C4orf17: variants seen among roughly 807,000 people sequenced by gnomAD.
The protein encoded by C4orf17 is uncharacterized protein C4orf17.
C4orf17 carries 25 observed loss-of-function variants against 32.0 expected under a neutral mutation model. That is an observed-to-expected ratio of 0.78 (90% CI 0.57 to 1.09). C4orf17 has a LOEUF of 1.09. Among genes scored for constraint, C4orf17 ranks in the 50% least tolerant of loss-of-function variants. C4orf17 has a pLI of 0.00. For missense variants in C4orf17, 420 were observed against 420.0 expected (o/e 1.00, Z 0.00); for synonymous variants, 149 against 145.8 (o/e 1.02, Z -0.16).
rs752464374 is a variant in C4orf17 at position 99,541,924 on chromosome 4, C to T, written c.895C>T (p.Pro299Ser). Residue 299 changes from proline (P) to serine (S), a missense_variant, in exon 9 of 9, where the codon CCT (proline) becomes TCT (serine). Pro to Ser is a moderately conservative substitution (Grantham distance 74, BLOSUM62 -1). Transcript: ENST00000326581. ...CTCTATTTCAGAGGCTGAGCACAAG[C>T]CTCCACTACTTATAAGAAGAAATAA... ...KEVPKEAEHK[P>S]PLLIRRNNMK... The T allele has an allele frequency of 1.2e-6, 2 of 1,612,670 alleles. No individual in the cohort carries two copies. The highest frequency in any genetic ancestry group is 2.2e-5 in the East Asian group (1 of 44,842).
rs1240943966 is a variant in C4orf17 at position 99,511,049 on chromosome 4, C to T, written c.-317C>T. ...ATATCTTAACAACCAGGGAGCCACA[C>T]AGGCTCCTTGGAGTAAGAGTGTGAG... On this transcript the variant is annotated 5_prime_UTR_variant, in exon 1 of 9. Coordinates refer to ENST00000326581, the MANE Select transcript of C4orf17 (RefSeq NM_032149.3). The T allele has an allele frequency of 6.6e-6, 1 of 152,160 alleles. No homozygotes were observed. Among genetic ancestry groups the T allele is most frequent in the Non-Finnish European group, 1.5e-5 (1 of 68,018 alleles). The allele number at this position is 152,160 out of a possible 1,614,324, so 9.4% of individuals were successfully genotyped here.
In C4orf17 at chr4:99,519,863, C is replaced by T. The variant is rs1050045928; in HGVS notation, c.128-2637C>T. ...GTAGAGAGAGGAAAGTCCAGCTAAG[C>T]AGCACAGAGAGAACCAGCAGAGGGA... On this transcript the variant is annotated intron_variant, in intron 2 of 8. Coordinates refer to ENST00000326581, the MANE Select transcript of C4orf17 (RefSeq NM_032149.3). 1.5e-4 allele frequency among the ~76,000 whole-genome samples: 23 copies of T among 152,156 alleles called. 1 individual carries two copies. Among genetic ancestry groups the T allele is most frequent in the Admixed American group, 1.1e-3 (17 of 15,278 alleles).
chr4:99,513,164 T>C lies in C4orf17; in HGVS notation c.83T>C (p.Leu28Pro), dbSNP rs150052319. 1 of 1,613,816 alleles carries C rather than the reference T, an allele frequency of 6.2e-7. No homozygotes were observed. The highest frequency in any genetic ancestry group is 1.3e-5 in the African/African-American group (1 of 74,904). ...HIMARNVSCF[L>P]VRHTPHPRRV... is the part of the protein sequence containing the mutation. Reference sequence around the variant, plus strand: ...ATGGCTAGAAATGTAAGCTGCTTTCTAGTCAGGCACACCCCTCATCCCAGA... The same window carrying C: ...ATGGCTAGAAATGTAAGCTGCTTTCCAGTCAGGCACACCCCTCATCCCAGA... Residue 28 changes from leucine (L) to proline (P), a missense_variant, in exon 2 of 9, where the codon CTA becomes CCA. Leu to Pro is a moderately conservative substitution (Grantham distance 98). Coordinates refer to ENST00000326581, the MANE Select transcript of C4orf17 (RefSeq NM_032149.3).
At position 99,517,899 on chromosome 4, in the gene C4orf17, T is replaced by C. The variant is rs547813120; in HGVS notation, c.128-4601T>C. 6.0e-3 allele frequency among the ~76,000 whole-genome samples: 907 copies of C among 152,324 alleles called. 4 individuals carry two copies. The highest frequency in any genetic ancestry group is 0.02 in the Middle Eastern group (6 of 294). ...CTCATGGGCACCTTGAACTGTGCTC[T>C]TCAAAACTGAACTCTTGATCTTCCT... On this transcript the variant is annotated intron_variant, in intron 2 of 8. Coordinates refer to ENST00000326581, the MANE Select transcript of C4orf17 (RefSeq NM_032149.3).
chr4:99,530,090 C>A, intron 5 of C4orf17, 132 bp downstream of exon 5: 1 of 688,584 alleles, frequency 1.5e-6, no homozygotes, highest in Non-Finnish European at 2.3e-6. Flanking sequence ...ACTGCTTAGC[C>A]TGAAATCCAA....
intron 3 of C4orf17, 143 bp downstream of exon 3, chr4:99,522,852 T>A: frequency 1.6e-6 from 1 of 641,470 alleles, no homozygotes; most frequent in Non-Finnish European, 2.6e-6. Context: ...TGTTATATAA[T>A]TTTTTTTCAC....
intron 3 of C4orf17, among the ~76,000 whole-genome samples, chr4:99,523,018 A>T (rs1173022177): frequency 6.6e-6 from 1 of 152,172 alleles, no homozygotes; most frequent in Non-Finnish European, 1.5e-5. Context: ...ACTGATGGGG[A>T]AATGATGTCA....
chr4:99,529,983 A>G (rs1003622149), intron 5 of C4orf17, 25 bp downstream of exon 5: 30 of 1,590,742 alleles, frequency 1.9e-5, no homozygotes, highest in Non-Finnish European at 2.4e-5. Context: ...TATCAAATCC[A>G]TAACTTGGAA....
chr4:99,539,697 A>G (rs1723620685), intron 7 of C4orf17, among the ~76,000 whole-genome samples: 1 of 152,198 alleles, frequency 6.6e-6, no homozygotes, highest in African/African-American at 2.4e-5. Flanking sequence ...TAGTTTAACT[A>G]AAAATAGATG....
chr4:99,522,568 G>A lies in C4orf17; in HGVS notation c.196G>A (p.Gly66Ser). The A allele has an allele frequency of 1.2e-6, 2 of 1,613,914 alleles. No individual in the cohort carries two copies. The highest frequency in any genetic ancestry group is 8.5e-7 in the Non-Finnish European group (1 of 1,179,910). Reference sequence around the variant, plus strand: ...TGCATTTGGAACATTGTGGGGAGTTGGCCAGTCTAACTACTTAGAGAAGAA... The same window carrying A: ...TGCATTTGGAACATTGTGGGGAGTTAGCCAGTCTAACTACTTAGAGAAGAA... The part of the protein sequence containing the change: ...ENAFGTLWGV[G>S]QSNYLEKNRI... Residue 66 changes from glycine (G) to serine (S), a missense_variant, in exon 3 of 9, where the codon GGC becomes AGC. Physicochemically the swap from Gly to Ser is moderately conservative, Grantham distance 56. Coordinates refer to ENST00000326581, the MANE Select transcript of C4orf17 (RefSeq NM_032149.3).
At chr4:99,533,567 A>G (rs1304321931) in intron 5 of C4orf17, among the ~76,000 whole-genome samples, 1 of 152,194 alleles carries the variant, frequency 6.6e-6, no homozygotes, top group East Asian at 1.9e-4. Context: ...AGAGTTTAGC[A>G]TTTGAGGATG....
At chr4:99,530,022 C>T (rs1723452772) in intron 5 of C4orf17, 64 bp downstream of exon 5, 1 of 1,278,012 alleles carries the variant, frequency 7.8e-7, no homozygotes. Flanking sequence ...AAAATTTATA[C>T]CACTAGCATC....
chr4:99,522,813 AGTTTCCTCACTGT>A, intron 3 of C4orf17, 104 bp downstream of exon 3: 1 of 853,810 alleles, frequency 1.2e-6, no homozygotes, highest in African/African-American at 1.7e-5. Flanking sequence ...TTTTACATCA[AGTTTCCTCACTGT>A]GAGGAACATA....
intron 2 of C4orf17, among the ~76,000 whole-genome samples, chr4:99,516,039 A>G (rs1285250054): frequency 6.6e-6 from 1 of 152,220 alleles, no homozygotes; most frequent in African/African-American, 2.4e-5. Flanking sequence ...AGAGGAACAA[A>G]TCACATATCC....
At chr4:99,541,031 G>GTTTCTAGCTTTAAAACA (rs1455796967) in intron 8 of C4orf17, 2 of 152,308 alleles carry the variant, frequency 1.3e-5, no homozygotes, top group African/African-American at 2.4e-5. Context: ...AGGTTTGGCA[G>GTTTCTAGCTTTAAAACA]TTTCTAGCTT....
At position 99,516,723 on chromosome 4, in the gene C4orf17, G is replaced by A. The variant is rs534294913; in HGVS notation, c.127+3515G>A. Among the ~76,000 whole-genome samples, 4 of 152,284 alleles carry A rather than the reference G, an allele frequency of 2.6e-5. No individual in the cohort carries two copies. The South Asian group carries it at 8.3e-4, about 32-fold the overall frequency. On this transcript the variant is annotated intron_variant, in intron 2 of 8. Coordinates refer to ENST00000326581, the MANE Select transcript of C4orf17 (RefSeq NM_032149.3). ...TGTGGGGAGGAGGGAAGGGATAATG[G>A]GAAGTCGGGGTGGAGAAGTGGATAA...
Position 99,541,937 on chromosome 4 carries a change from T to G in C4orf17, c.908T>G (p.Ile303Arg). Residue 303 changes from isoleucine (I) to arginine (R), a missense_variant, in exon 9 of 9, where the codon ATA becomes AGA. Physicochemically the swap from Ile to Arg is moderately conservative, Grantham distance 97. Transcript: ENST00000326581. ...GCTGAGCACAAGCCTCCACTACTTA[T>G]AAGAAGAAATAATATGAAAATACCT... Reference protein sequence around the residue: ...KEAEHKPPLLIRRNNMKIPVA... With the variant: ...KEAEHKPPLLRRRNNMKIPVA... 12 of 1,613,724 alleles carry G rather than the reference T, an allele frequency of 7.4e-6. No individual in the cohort carries two copies. Among genetic ancestry groups the G allele is most frequent in the Non-Finnish European group, 9.3e-6 (11 of 1,179,876 alleles).
chr4:99,535,858 A>G (rs1723552283), intron 5 of C4orf17: 1 of 410,420 alleles, frequency 2.4e-6, no homozygotes, highest in African/African-American at 2.1e-5. Context: ...ATTCTTTTTC[A>G]TCTTTGTGGG....
At chr4:99,531,802 G>T (rs1723481321) in intron 5 of C4orf17, among the ~76,000 whole-genome samples, 1 of 152,076 alleles carries the variant, frequency 6.6e-6, no homozygotes, top group African/African-American at 2.4e-5. Context: ...GTATAAAAGA[G>T]CCCCGGAAAT....
Sources: allele counts gnomAD v4.1 joint callset (sites outside exome capture counted in the v4.1 genomes callset), GRCh38; gene constraint gnomAD v4.1.1; transcripts MANE v1.5; gene names NCBI Gene and HGNC (gene_info 2026-07-23, HGNC 2026-07-21).